Variants in ABLIM2 observed in about 807,000 individuals in gnomAD.
ABLIM2 encodes actin binding LIM protein family member 2.
In ABLIM2, 53 loss-of-function variants were observed where a neutral mutation model predicts 97.7. The ratio of observed to expected loss-of-function variants is 0.54; its 90% CI spans 0.44 to 0.68. The LOEUF (loss-of-function observed/expected upper bound fraction) is 0.68. Among genes scored for constraint, ABLIM2 ranks in the 30% least tolerant of loss-of-function variants. The pLI is 0.00. For synonymous variants in ABLIM2, 361 were observed against 345.8 expected (o/e 1.04, Z -0.49); for missense variants, 835 against 867.2 (o/e 0.96, Z 0.47).
chr4:8,034,958 G>A (rs1457172049), intron 10 of ABLIM2, among the ~76,000 whole-genome samples: 2 of 122,246 alleles, frequency 1.6e-5, no homozygotes, highest in African/African-American at 3.2e-5. Flanking sequence ...TGGGTGGTAG[G>A]TAGGTGGGTA....
chr4:8,134,201 C>T (rs915272682), intron 1 of ABLIM2, among the ~76,000 whole-genome samples: 1 of 152,188 alleles, frequency 6.6e-6, no homozygotes, highest in Non-Finnish European at 1.5e-5. Flanking sequence ...AGGGAAGCCT[C>T]GAAGGCCAGG....
chr4:8,010,140 T>C lies in ABLIM2; in HGVS notation c.1424-1038A>G, dbSNP rs529509855. 2.2e-4 allele frequency among the ~76,000 whole-genome samples: 33 copies of C among 152,342 alleles called. No individual in the cohort carries two copies. The South Asian group carries it at 5.2e-3, about 24-fold the overall frequency. On this transcript the variant is annotated intron_variant, in intron 14 of 20. Coordinates refer to ENST00000447017, the MANE Select transcript of ABLIM2 (RefSeq NM_001130083.2). ...TTTGCAACAGTTCCTTTACCAAGAA[T>C]ACCATCTGCAGCTGAGCAACGAGGC...
rs74544043 is a variant in ABLIM2 at position 8,128,340 on chromosome 4, G to T, written c.11-21703C>A. ...CACATTCAGAGCTTCCAGGTGGGTG[G>T]GGCCACAAGAAGACGTGTCTCTATC... On this transcript the variant is annotated intron_variant, in intron 1 of 20. Coordinates refer to ENST00000447017, the MANE Select transcript of ABLIM2 (RefSeq NM_001130083.2). This position sits in a 1 kb window ranked among gnomAD's most constrained non-coding sequence, Gnocchi z 4.9. Among the ~76,000 whole-genome samples, 405 of 152,236 alleles carry T rather than the reference G, an allele frequency of 2.7e-3. 4 individuals are homozygous for T. Among genetic ancestry groups the T allele is most frequent in the African/African-American group, 9.3e-3 (387 of 41,524 alleles).
chr4:8,133,681 G>A (rs910938137), intron 1 of ABLIM2, among the ~76,000 whole-genome samples: 3 of 152,190 alleles, frequency 2.0e-5, no homozygotes, highest in Non-Finnish European at 4.4e-5. Flanking sequence ...CACCTAGGCT[G>A]CCCAGCTCCA....
In ABLIM2 at chr4:7,992,789, T is replaced by A; in HGVS notation, c.1680+77A>T. 6.6e-7 allele frequency: 1 copy of A among 1,513,232 alleles called. No individual in the cohort carries two copies. The highest frequency in any genetic ancestry group is 9.1e-7 in the Non-Finnish European group (1 of 1,104,776). The allele number at this position is 1,513,232 out of a possible 1,614,324, so 93.7% of individuals were successfully genotyped here. ...CGGGGCCTCTCCTCCTGCTGTGTGG[T>A]CAAGAAGCTGTGGGAAACGTGCTCA... On this transcript the variant is annotated intron_variant, in intron 17 of 20. Coordinates refer to ENST00000447017, the MANE Select transcript of ABLIM2 (RefSeq NM_001130083.2). This position sits in a 1 kb window ranked among gnomAD's most constrained non-coding sequence, Gnocchi z 5.7.
chr4:8,087,895 C>T lies in ABLIM2; in HGVS notation c.454+274G>A, dbSNP rs571658436. Among the ~76,000 whole-genome samples the T allele has an allele frequency of 2.8e-4, 42 of 152,090 alleles. No individual in the cohort carries two copies. The highest frequency in any genetic ancestry group is 9.6e-4 in the African/African-American group (40 of 41,466). ...GCTGCCTCCTCACATTTATTCACAGCGTTCACTGCAGCTGCTGCTGCTCTG... is the reference window on the plus strand; with the variant it reads ...GCTGCCTCCTCACATTTATTCACAGTGTTCACTGCAGCTGCTGCTGCTCTG... On this transcript the variant is annotated intron_variant, in intron 4 of 20. Transcript: ENST00000447017. The surrounding 1 kb of genome is among the most constrained non-coding windows in gnomAD (Gnocchi z 4.6).
At chr4:8,045,536 C>T (rs1791757616) in intron 8 of ABLIM2, among the ~76,000 whole-genome samples, 1 of 152,216 alleles carries the variant, frequency 6.6e-6, no homozygotes, top group Non-Finnish European at 1.5e-5. Context: ...GTAATCCCAG[C>T]TACTCAGGAG....
At chr4:8,100,498 G>A (rs564494550) in intron 2 of ABLIM2, among the ~76,000 whole-genome samples, 3 of 152,276 alleles carry the variant, frequency 2.0e-5, no homozygotes, top group African/African-American at 7.2e-5. Context: ...TGAAATACCA[G>A]CACTTTGGGA....
chr4:8,141,109 G>A (rs555304453), intron 1 of ABLIM2, among the ~76,000 whole-genome samples: 1 of 152,198 alleles, frequency 6.6e-6, no homozygotes, highest in East Asian at 1.9e-4. Context: ...AGCGGGAAGG[G>A]ACTGGGACTG....
rs574459223 is a variant in ABLIM2 at position 8,068,030 on chromosome 4, C to A, written c.676-6976G>T. On this transcript the variant is annotated intron_variant, in intron 6 of 20. Transcript: ENST00000447017. This position sits in a 1 kb window ranked among gnomAD's most constrained non-coding sequence, Gnocchi z 4.5. ...TGGAGTCAAAAATTAGAAGTGTCCT[C>A]ATTCCCTGTGTCACCTCCTGTTGTC... Among the ~76,000 whole-genome samples, 30 of 152,280 alleles carry A rather than the reference C, an allele frequency of 2.0e-4. No homozygotes were observed. Among genetic ancestry groups the A allele is most frequent in the African/African-American group, 7.0e-4 (29 of 41,568 alleles).
chr4:7,967,626 C>A (rs966845626), intron 20 of ABLIM2, among the ~76,000 whole-genome samples: 95 of 152,184 alleles, frequency 6.2e-4, no homozygotes, highest in African/African-American at 2.2e-3. Context: ...CACCGGAAGC[C>A]CCTGGTGTGT....
At position 8,044,760 on chromosome 4, in the gene ABLIM2, G is replaced by C. The variant is rs562810784; in HGVS notation, c.900+404C>G. 1.3e-5 allele frequency among the ~76,000 whole-genome samples: 2 copies of C among 152,208 alleles called. No individual in the cohort carries two copies. The highest frequency in any genetic ancestry group is 4.2e-4 in the South Asian group (2 of 4,812). The stretch of plus-strand genomic sequence containing the variant: ...TTGCTTCTTTTAGGGAACACGCTGG[G>C]AGAGCGTGCGTGTTGATGTACACAG... On this transcript the variant is annotated intron_variant, in intron 9 of 20. Transcript: ENST00000447017. This position sits in a 1 kb window ranked among gnomAD's most constrained non-coding sequence, Gnocchi z 4.4.
Position 8,019,827 on chromosome 4 carries a change from C to T in ABLIM2, c.1370-156G>A, listed in dbSNP as rs887041267. On this transcript the variant is annotated intron_variant, in intron 13 of 20. Transcript: ENST00000447017. The surrounding 1 kb of genome is among the most constrained non-coding windows in gnomAD (Gnocchi z 4.3). ...ACCCAGCGAGCGACAGACACCCAGG[C>T]CCCAGATCAAGCCTCCCTGACTCCA... 6.6e-6 allele frequency: 5 copies of T among 754,706 alleles called. No individual in the cohort carries two copies. The East Asian group carries it at 8.2e-5, about 12-fold the overall frequency. 46.8% of individuals were successfully genotyped at this position (754,706 alleles called of 1,614,324 possible).
chr4:8,123,767 T>C lies in ABLIM2; in HGVS notation c.11-17130A>G, dbSNP rs769863285. Among the ~76,000 whole-genome samples the C allele has an allele frequency of 4.6e-4, 70 of 152,082 alleles. No homozygotes were observed. Among genetic ancestry groups the C allele is most frequent in the Non-Finnish European group, 6.3e-4 (43 of 68,010 alleles). On this transcript the variant is annotated intron_variant, in intron 1 of 20. Coordinates refer to ENST00000447017, the MANE Select transcript of ABLIM2 (RefSeq NM_001130083.2). The surrounding 1 kb of genome is among the most constrained non-coding windows in gnomAD (Gnocchi z 6.2). ...TGGGCAGGCAGGGGTGTGCCGGCAT[T>C]GGGTCACACAGCCCAACTGGGGTGA...
At chr4:8,017,255 C>A (rs555162245) in intron 14 of ABLIM2, among the ~76,000 whole-genome samples, 1 of 151,992 alleles carries the variant, frequency 6.6e-6, no homozygotes, top group East Asian at 1.9e-4. Context: ...TCTATTCTTG[C>A]CTGTCTTGTG....
intron 5 of ABLIM2, 87 bp downstream of exon 5, chr4:8,080,589 G>T: frequency 7.2e-7 from 1 of 1,382,440 alleles, no homozygotes; most frequent in Non-Finnish European, 9.6e-7. Context: ...AGAGAGGGTG[G>T]CGCTGGGGAC....
At chr4:8,121,450 C>T (rs1307761000) in intron 1 of ABLIM2, among the ~76,000 whole-genome samples, 1 of 152,216 alleles carries the variant, frequency 6.6e-6, no homozygotes, top group African/African-American at 2.4e-5. Flanking sequence ...TGCAGCCGTT[C>T]CAGAGCGAGG....
intron 1 of ABLIM2, among the ~76,000 whole-genome samples, chr4:8,135,313 A>G (rs1418290412): frequency 6.6e-6 from 1 of 152,194 alleles, no homozygotes. Flanking sequence ...GAAAGTGGAC[A>G]TTGCACAGGC....
intron 3 of ABLIM2, among the ~76,000 whole-genome samples, chr4:8,096,646 T>A (rs1831734460): frequency 6.6e-6 from 1 of 152,236 alleles, no homozygotes; most frequent in Admixed American, 6.5e-5. Context: ...GAAAACAAAC[T>A]GTTTTTCATG....
Sources: allele counts gnomAD v4.1 joint callset (sites outside exome capture counted in the v4.1 genomes callset), GRCh38; gene constraint gnomAD v4.1.1; non-coding constraint Gnocchi (gnomAD v3.1); transcripts MANE v1.5; gene names NCBI Gene and HGNC (gene_info 2026-07-23, HGNC 2026-07-21).